The following THBS4 variants were observed in gnomAD, a reference collection of about 807,000 sequenced individuals.
THBS4 encodes thrombospondin-4.
Under a neutral mutation model 115.7 loss-of-function variants are expected in THBS4, and 90 were observed. That is an observed-to-expected ratio of 0.78 (90% CI 0.66 to 0.93). The LOEUF (loss-of-function observed/expected upper bound fraction) is 0.93, where lower values mean the gene tolerates loss of function less well. Among genes scored for constraint, THBS4 ranks in the 40% least tolerant of loss-of-function variants. The pLI is 0.00. For synonymous variants in THBS4, 460 were observed against 479.3 expected, an observed-to-expected ratio of 0.96 and a Z score of 0.53; for missense variants, 1,087 against 1,232.7, an observed-to-expected ratio of 0.88 and a Z score of 1.77.
rs768472544 is a variant in THBS4, at chr5:80,040,149, C to G, written c.161C>G (p.Ala54Gly). Residue 54 changes from alanine to glycine, a missense_variant, in exon 2 of 22, where the codon GCC becomes GGC. Physicochemically the swap from Ala to Gly is moderately conservative, Grantham distance 60 (BLOSUM62 0). Around this residue, in one of 3 missense-constraint regions of THBS4, gnomAD observed 979 missense variants for 1,103.7 expected, o/e 0.89. Transcript: ENST00000350881. The part of the protein sequence containing the change: ...GALLPVLTDP[A>G]LNDLYVISTF... ...CTGCTGCCAGTCCTGACAGACCCCG[C>G]CCTGAATGATCTCTATGTGATTTCC... The G allele has an allele frequency of 6.2e-7, 1 of 1,614,144 alleles. No homozygotes were observed. Among genetic ancestry groups the G allele is most frequent in the South Asian group, 1.1e-5 (1 of 91,074 alleles).
At chr5:80,005,364 A>C (rs1377844684) in intron 2 of THBS4, among the ~76,000 whole-genome samples, 1 of 152,244 alleles carries the variant, frequency 6.6e-6, no homozygotes, top group East Asian at 1.9e-4. Flanking sequence ...AAATAAGCAT[A>C]GTTAAAGGTT....
chr5:79,999,628 C>T (rs1831858873), intron 2 of THBS4, among the ~76,000 whole-genome samples: 1 of 152,194 alleles, frequency 6.6e-6, no homozygotes, highest in Admixed American at 6.5e-5. Context: ...TTGTGAAATG[C>T]TGCCATTTTA....
chr5:80,035,873 G>A lies in THBS4; in HGVS notation c.88+248G>A. On this transcript the variant is annotated intron_variant, in intron 1 of 21. Transcript: ENST00000350881. This position sits in a 1 kb window ranked among gnomAD's most constrained non-coding sequence, Gnocchi z 4.6. Reference sequence around the variant, plus strand: ...GGGATGCAAAATTGTTTCAGACTATGCAAAGATGTGGGGTGGGGTTGCCTT... The same window carrying A: ...GGGATGCAAAATTGTTTCAGACTATACAAAGATGTGGGGTGGGGTTGCCTT... The A allele has an allele frequency of 1.4e-6, 1 of 695,604 alleles. No homozygotes were observed. The highest frequency in any genetic ancestry group is 2.0e-6 in the Non-Finnish European group (1 of 509,602). The allele number at this position is 695,604 out of a possible 1,614,324, so 43.1% of individuals were successfully genotyped here.
chr5:80,061,528 G>A (rs1012329178), intron 7 of THBS4, among the ~76,000 whole-genome samples, 167 bp from the exon 8 acceptor site: 1 of 152,142 alleles, frequency 6.6e-6, no homozygotes, highest in African/African-American at 2.4e-5. Context: ...CAGATTGTGT[G>A]GTCAGGGATT....
chr5:80,059,832 G>A lies in THBS4; in HGVS notation c.914G>A (p.Arg305Lys), dbSNP rs1301787959. The change falls in exon 7 of 22, where the codon AGA (arginine) becomes AAA (lysine). Residue 305 changes from arginine (R) to lysine (K), a missense_variant. Transcript: ENST00000350881. The stretch of plus-strand genomic sequence containing the variant: ...CGAGGTGTCCAATGTACCGACAGTA[G>A]AGATGGCTTCCAGTGTGGGCCCTGC... ...CFRGVQCTDS[R>K]DGFQCGPCPE... 2 of 1,614,078 alleles carry A rather than the reference G, an allele frequency of 1.2e-6. No individual in the cohort carries two copies. Among genetic ancestry groups the A allele is most frequent in the Non-Finnish European group, 1.7e-6 (2 of 1,180,046 alleles).
intron 2 of THBS4, among the ~76,000 whole-genome samples, chr5:80,051,384 T>G (rs1272462468): frequency 1.3e-5 from 2 of 151,978 alleles, no homozygotes; most frequent in Non-Finnish European, 2.9e-5. Context: ...AAAAAGAAAA[T>G]GAAAAATGGA....
intron 2 of THBS4, among the ~76,000 whole-genome samples, chr5:80,050,486 G>C (rs892091865): frequency 1.2e-4 from 18 of 152,132 alleles, no homozygotes; most frequent in African/African-American, 4.3e-4. Context: ...GGTGTCAGCT[G>C]ATACATCCAG....
At chr5:80,074,706 T>C (rs1398799524) in intron 15 of THBS4, among the ~76,000 whole-genome samples, 5 of 151,068 alleles carry the variant, frequency 3.3e-5, no homozygotes, top group Non-Finnish European at 5.9e-5. Context: ...CTCCACCTCC[T>C]GGGTTCAAGC....
At chr5:80,059,327 CAAAAAAAA>C (rs34023954) in intron 5 of THBS4, 105 bp from the exon 6 acceptor site, 2 of 777,474 alleles carry the variant, frequency 2.6e-6, no homozygotes, top group African/African-American at 2.3e-5. Flanking sequence ...GAGACTGTCT[CAAAAAAAA>C]AAAAAAAAAA....
chr5:80,078,029 C>T lies in THBS4; in HGVS notation c.2087-20C>T. 6.4e-7 allele frequency: 1 copy of T among 1,551,102 alleles called. No homozygotes were observed. Among genetic ancestry groups the T allele is most frequent in the Non-Finnish European group, 8.8e-7 (1 of 1,138,918 alleles). On this transcript the variant is annotated intron_variant, in intron 16 of 21. Coordinates refer to ENST00000350881, the MANE Select transcript of THBS4 (RefSeq NM_003248.6). Reference sequence around the variant, plus strand: ...GGTGTGAGCGCTATTGAGCTCCTGTCCTTTCTCCACCCCACTCAGGCGACG... The same window carrying T: ...GGTGTGAGCGCTATTGAGCTCCTGTTCTTTCTCCACCCCACTCAGGCGACG...
At position 80,055,131 on chromosome 5, in the gene THBS4, G is replaced by A. The variant is rs371327686; in HGVS notation, c.293-654G>A. On this transcript the variant is annotated intron_variant, in intron 2 of 21. Coordinates refer to ENST00000350881, the MANE Select transcript of THBS4 (RefSeq NM_003248.6). The stretch of plus-strand genomic sequence containing the variant: ...GAGCTCGGGATTTCGAGACCAGCCT[G>A]GGCAACATGGCAAAACCCTGTCTCT... Among the ~76,000 whole-genome samples, 426 of 152,134 alleles carry A rather than the reference G, an allele frequency of 2.8e-3. 5 individuals are homozygous for A. The highest frequency in any genetic ancestry group is 0.011 in the South Asian group (55 of 4,810).
At position 80,003,381 on chromosome 5, in the gene THBS4, G is replaced by A. The variant is rs1482051520; in HGVS notation, n.177+4954G>A. On this transcript the variant is annotated intron_variant and non_coding_transcript_variant, in intron 2 of 3. Coordinates refer to the THBS4 transcript ENST00000510218. ...AAGAGGAGAAGTAAGTAGGGAGAGA[G>A]AGAAAAAGGGAAGGAATGGTTTTGA... 3.3e-5 allele frequency among the ~76,000 whole-genome samples: 5 copies of A among 152,066 alleles called. No homozygotes were observed. The East Asian group carries it at 5.8e-4, about 18-fold the overall frequency.
intron 1 of THBS4, among the ~76,000 whole-genome samples, chr5:79,998,104 A>G (rs1831831245): frequency 6.6e-6 from 1 of 152,210 alleles, no homozygotes; most frequent in Non-Finnish European, 1.5e-5. Context: ...CTGGATTAGG[A>G]TAGACTGCAA....
Position 80,070,662 on chromosome 5 carries a change from C to G in THBS4, c.1472C>G (p.Pro491Arg). The stretch of plus-strand genomic sequence containing the variant: ...CCTAAGGACAACTGCAAATATGTGC[C>G]AAATTCTGGCCAAGAAGATGCAGAC... ...NCKKDNCKYVPNSGQEDADRD... is the reference protein window; with the variant it reads ...NCKKDNCKYVRNSGQEDADRD... Residue 491 changes from proline (P) to arginine (R), a missense_variant, in exon 12 of 22, where the codon CCA becomes CGA. Physicochemically the swap from Pro to Arg is moderately radical, Grantham distance 103. Coordinates refer to ENST00000350881, the MANE Select transcript of THBS4 (RefSeq NM_003248.6). The G allele has an allele frequency of 6.2e-7, 1 of 1,614,136 alleles. No homozygotes were observed. Among genetic ancestry groups the G allele is most frequent in the Non-Finnish European group, 8.5e-7 (1 of 1,180,026 alleles).
chr5:79,992,378 CAAAAG>C (rs1010021995), intron 1 of THBS4, among the ~76,000 whole-genome samples: 7 of 152,254 alleles, frequency 4.6e-5, no homozygotes, highest in East Asian at 1.9e-4. Flanking sequence ...AACTAAAACT[CAAAAG>C]AAACCTCTGC....
intron 2 of THBS4, among the ~76,000 whole-genome samples, chr5:80,012,802 A>T (rs1832153846): frequency 6.6e-6 from 1 of 152,206 alleles, no homozygotes; most frequent in Non-Finnish European, 1.5e-5. Flanking sequence ...CCAGATTCAC[A>T]ACTCAGGAAA....
intron 20 of THBS4, chr5:80,081,859 T>C (rs1225011881): frequency 1.3e-5 from 2 of 152,814 alleles, no homozygotes; most frequent in African/African-American, 4.8e-5. Flanking sequence ...CCAGCATCCC[T>C]GGCTGCCATC....
At chr5:80,013,600 T>C (rs1407305575) in intron 2 of THBS4, among the ~76,000 whole-genome samples, 1 of 152,112 alleles carries the variant, frequency 6.6e-6, no homozygotes, top group Non-Finnish European at 1.5e-5. Context: ...AGTGGGTAGG[T>C]GACAGCCTGC....
intron 2 of THBS4, among the ~76,000 whole-genome samples, chr5:80,017,892 T>C (rs917335428): frequency 1.3e-5 from 2 of 152,126 alleles, no homozygotes; most frequent in African/African-American, 4.8e-5. Flanking sequence ...CTTTGACACG[T>C]TGAAAATGAT....
Sources: allele counts gnomAD v4.1 joint callset (sites outside exome capture counted in the v4.1 genomes callset), GRCh38; gene constraint gnomAD v4.1.1; regional missense constraint gnomAD v4.1.1; non-coding constraint Gnocchi (gnomAD v3.1); transcripts MANE v1.5; gene names NCBI Gene and HGNC (gene_info 2026-07-23, HGNC 2026-07-21).